ANXA8: variants seen among roughly 807,000 people sequenced by gnomAD.
The protein encoded by ANXA8 is VAC-beta.
A neutral mutation model predicts 26.8 loss-of-function variants in ANXA8; 9 were observed. The ratio of observed to expected loss-of-function variants is 0.34; its 90% CI spans 0.20 to 0.59. The LOEUF is 0.59. Ranked by LOEUF, ANXA8 falls within the 20% of genes least tolerant of loss-of-function variation. The pLI is 0.84. For missense variants in ANXA8, 83 were observed against 238.5 expected (o/e 0.35, Z 4.29); for synonymous variants, 39 against 94.8 (o/e 0.41, Z 3.42).
the ANXA8 span, among the ~76,000 whole-genome samples, chr10:47,661,654 G>C: frequency 8.0e-6 from 1 of 125,186 alleles, no homozygotes; most frequent in Non-Finnish European, 1.6e-5. Context: ...TCCTGAACTT[G>C]TGATCCACCC....
At chr10:47,502,604 A>G in the ANXA8 span, 61,644 of 1,412,586 alleles carry the variant, frequency 0.044, 12,505 homozygotes, top group East Asian at 0.34. Context: ...CGGGTGCCAA[A>G]ACTGCGGTGG....
At chr10:47,735,998 TAAG>T in the ANXA8 span, among the ~76,000 whole-genome samples, 1 of 125,918 alleles carries the variant, frequency 7.9e-6, no homozygotes, top group Non-Finnish European at 1.6e-5. Flanking sequence ...GAATTTATTC[TAAG>T]AAAATAGAAT....
the ANXA8 span, among the ~76,000 whole-genome samples, chr10:47,704,785 T>C: frequency 6.6e-6 from 1 of 151,988 alleles, no homozygotes; most frequent in Middle Eastern, 3.2e-3. Context: ...CAATATTATT[T>C]TGTACTAATA....
the ANXA8 span, among the ~76,000 whole-genome samples, chr10:47,957,831 T>C: frequency 1.1e-4 from 17 of 149,554 alleles, no homozygotes; most frequent in Admixed American, 4.6e-4. Flanking sequence ...TCCTTTTCTG[T>C]CTCTTACAAG....
chr10:47,618,882 C>T, the ANXA8 span, among the ~76,000 whole-genome samples: 1 of 114,790 alleles, frequency 8.7e-6, no homozygotes, highest in Non-Finnish European at 1.9e-5. Flanking sequence ...GTATCTTACT[C>T]TCTTATTTTA....
At chr10:47,760,982 CAG>C in the ANXA8 span, 3 of 1,512,202 alleles carry the variant, frequency 2.0e-6, no homozygotes, top group Non-Finnish European at 2.7e-6. Context: ...GGTGTGGTCT[CAG>C]AGCGCTCAGC....
the ANXA8 span, among the ~76,000 whole-genome samples, chr10:47,491,877 G>A: frequency 6.8e-6 from 1 of 148,142 alleles, no homozygotes; most frequent in Non-Finnish European, 1.5e-5. Context: ...AGCATCCCCT[G>A]ACAGCATGAG....
the ANXA8 span, chr10:47,538,307 CGA>C: frequency 1.7e-5 from 1 of 59,738 alleles, no homozygotes; most frequent in Non-Finnish European, 3.1e-5. Flanking sequence ...TGCAGTGAGC[CGA>C]GATAGCACTA....
the ANXA8 span, among the ~76,000 whole-genome samples, chr10:47,740,431 T>C: frequency 2.4e-4 from 33 of 135,260 alleles, 5 homozygotes; most frequent in Non-Finnish European, 4.9e-4. Context: ...AACAAATATA[T>C]ACATTCATGT....
At chr10:47,483,063 C>G (rs1314650918) in intron 1 of ANXA8, among the ~76,000 whole-genome samples, 1 of 151,268 alleles carries the variant, frequency 6.6e-6, no homozygotes, top group African/African-American at 2.4e-5. Flanking sequence ...GATGTCACCT[C>G]TGTCCCCTTC....
chr10:47,702,036 A>G, the ANXA8 span, among the ~76,000 whole-genome samples: 1 of 150,000 alleles, frequency 6.7e-6, no homozygotes. Context: ...TTATGTACAT[A>G]CTAGAATGAA....
the ANXA8 span, among the ~76,000 whole-genome samples, chr10:47,962,463 GGTAAA>G: frequency 2.0e-5 from 3 of 149,042 alleles, no homozygotes; most frequent in African/African-American, 4.9e-5. Flanking sequence ...TACTGTGTTG[GGTAAA>G]GTAAACTGTC....
At chr10:47,484,219 C>T (rs1156430118), upstream of ANXA8, 1 of 723,576 alleles carries the variant, frequency 1.4e-6, no homozygotes, top group African/African-American at 1.8e-5. Flanking sequence ...TGGGCTGTGG[C>T]TGTTACGCAT....
chr10:47,562,961 C>T, the ANXA8 span, among the ~76,000 whole-genome samples: 6 of 137,092 alleles, frequency 4.4e-5, 1 homozygote, highest in Admixed American at 1.5e-4. Flanking sequence ...CCAGGCATAG[C>T]GGCTCATCCC....
At chr10:47,665,879 G>A in the ANXA8 span, among the ~76,000 whole-genome samples, 35 of 151,908 alleles carry the variant, frequency 2.3e-4, no homozygotes, top group Non-Finnish European at 4.4e-4. Flanking sequence ...AATTTGGAGA[G>A]CACAATCTGT....
chr10:47,556,981 A>T, the ANXA8 span, among the ~76,000 whole-genome samples: 1 of 150,050 alleles, frequency 6.7e-6, no homozygotes, highest in Non-Finnish European at 1.5e-5. Flanking sequence ...AAAGCAATTA[A>T]AGTATAATTT....
the ANXA8 span, among the ~76,000 whole-genome samples, chr10:47,743,429 A>AGAGAGAG: frequency 1.6e-5 from 2 of 125,144 alleles, no homozygotes; most frequent in African/African-American, 6.0e-5. Context: ...AGAGAGAGAG[A>AGAGAGAG]AGTTGCATGG....
chr10:47,900,323 A>C, the ANXA8 span, among the ~76,000 whole-genome samples: 1 of 151,978 alleles, frequency 6.6e-6, no homozygotes, highest in Non-Finnish European at 1.5e-5. Context: ...AACAGTAATC[A>C]TTTAATATCC....
At chr10:47,491,557 C>T in the ANXA8 span, 6 of 1,471,908 alleles carry the variant, frequency 4.1e-6, no homozygotes, top group South Asian at 7.5e-5. Context: ...CCCAGTCTGC[C>T]CCAGATCCCC....
Sources: gnomAD v4.1 joint callset for allele counts (sites outside exome capture counted in the v4.1 genomes callset) on GRCh38, gnomAD v4.1.1 for gene constraint, MANE v1.5 for transcripts, NCBI Gene and HGNC (gene_info 2026-07-23, HGNC 2026-07-21) for gene names.